Variants in PIK3CA observed in about 807,000 individuals in gnomAD.
PIK3CA encodes phosphatidylinositol 4,5-bisphosphate 3-kinase catalytic subunit alpha isoform.
Under a neutral mutation model 138.2 loss-of-function variants are expected in PIK3CA, and 27 were observed. The ratio of observed to expected loss-of-function variants is 0.20; its 90% CI spans 0.14 to 0.27. The LOEUF (loss-of-function observed/expected upper bound fraction) is 0.27, where lower values mean the gene tolerates loss of function less well. Ranked by LOEUF, PIK3CA falls within the 10% of genes least tolerant of loss-of-function variation. The pLI is 1.00. For missense variants in PIK3CA, 544 were observed against 1,277.4 expected, an observed-to-expected ratio of 0.43 and a Z score of 8.75; for synonymous variants, 358 against 413.2, an observed-to-expected ratio of 0.87 and a Z score of 1.62.
chr3:179,195,354 A>AATTTACAACATTAT (rs1216672507), intron 1 of PIK3CA, among the ~76,000 whole-genome samples: 1 of 151,996 alleles, frequency 6.6e-6, no homozygotes, highest in Non-Finnish European at 1.5e-5. Flanking sequence ...TGTTGGCAAT[A>AATTTACAACATTAT]CTTTACAAGT....
rs1725320925 is a variant in PIK3CA, at chr3:179,235,724, T to C, written c.*1360T>C. 4.8e-6 allele frequency: 1 copy of C among 206,770 alleles called. No homozygotes were observed. The highest frequency in any genetic ancestry group is 9.8e-6 in the Non-Finnish European group (1 of 101,626). The allele number at this position is 206,770 out of a possible 1,614,324, so 12.8% of individuals were successfully genotyped here. On this transcript the variant is annotated 3_prime_UTR_variant, in exon 21 of 21. Transcript: ENST00000263967. ...CCATGAACTTTTTACCTTTTTAAACTATTTATCCATATCTCCAAAGTAGAA... is the reference window on the plus strand; with the variant it reads ...CCATGAACTTTTTACCTTTTTAAACCATTTATCCATATCTCCAAAGTAGAA...
chr3:179,192,663 A>G (rs1049614348), intron 1 of PIK3CA, among the ~76,000 whole-genome samples: 2 of 152,240 alleles, frequency 1.3e-5, no homozygotes, highest in Admixed American at 6.5e-5. Flanking sequence ...TATGGTCTCT[A>G]TAGCATCTGC....
At position 179,235,594 on chromosome 3, in the gene PIK3CA, A is replaced by G; in HGVS notation, c.*1230A>G. The G allele has an allele frequency of 4.9e-6, 1 of 204,066 alleles. No homozygotes were observed. Among genetic ancestry groups the G allele is most frequent in the East Asian group, 7.5e-5 (1 of 13,320 alleles). 12.6% of individuals were successfully genotyped at this position (204,066 alleles called of 1,614,324 possible). Reference sequence around the variant, plus strand: ...ATTGAGAATGTCTCAATCATATGAAATTAGTTACCAGAATTAACACAATTT... The same window carrying G: ...ATTGAGAATGTCTCAATCATATGAAGTTAGTTACCAGAATTAACACAATTT... On this transcript the variant is annotated 3_prime_UTR_variant, in exon 21 of 21. Coordinates refer to ENST00000263967, the MANE Select transcript of PIK3CA (RefSeq NM_006218.4).
intron 1 of PIK3CA, among the ~76,000 whole-genome samples, chr3:179,188,104 C>T (rs544396444): frequency 3.9e-5 from 6 of 152,166 alleles, no homozygotes; most frequent in Admixed American, 2.0e-4. Flanking sequence ...TCAACTAAAA[C>T]GAAACTACTG....
intron 1 of PIK3CA, among the ~76,000 whole-genome samples, chr3:179,185,538 T>A (rs1175794424): frequency 6.6e-6 from 1 of 152,168 alleles, no homozygotes; most frequent in East Asian, 1.9e-4. Flanking sequence ...TGACACTATC[T>A]GCCTAGAGAT....
At chr3:179,193,132 G>A (rs1390993336) in intron 1 of PIK3CA, among the ~76,000 whole-genome samples, 3 of 152,188 alleles carry the variant, frequency 2.0e-5, no homozygotes, top group Admixed American at 2.0e-4. Flanking sequence ...ATACCAACAA[G>A]TTAACACAGG....
chr3:179,199,234 C>T (rs768357917), intron 2 of PIK3CA, 57 bp downstream of exon 2: 10 of 1,140,546 alleles, frequency 8.8e-6, no homozygotes, highest in South Asian at 1.6e-5. Context: ...AACTGTTGTC[C>T]CTTTCTAAAA....
chr3:179,222,106 C>T (rs1306831524), intron 14 of PIK3CA, among the ~76,000 whole-genome samples: 2 of 151,738 alleles, frequency 1.3e-5, no homozygotes, highest in Admixed American at 1.3e-4. Context: ...TAAAAGGAAG[C>T]TCATTCCTCA....
At chr3:179,177,502 G>A (rs978691324) in intron 1 of PIK3CA, among the ~76,000 whole-genome samples, 3 of 151,782 alleles carry the variant, frequency 2.0e-5, no homozygotes, top group African/African-American at 7.3e-5. Context: ...TAGTAGAGAT[G>A]GGGTTTCATC....
At chr3:179,179,586 G>A (rs952356333) in intron 1 of PIK3CA, among the ~76,000 whole-genome samples, 1 of 152,124 alleles carries the variant, frequency 6.6e-6, no homozygotes, top group African/African-American at 2.4e-5. Context: ...TGGTTACGTG[G>A]GTGTAAGAAG....
intron 1 of PIK3CA, among the ~76,000 whole-genome samples, chr3:179,175,710 AT>A (rs57751136): frequency 0.53 from 74,550 of 140,342 alleles, 19,999 homozygotes; most frequent in African/African-American, 0.71. Flanking sequence ...ACATTTGTTG[AT>A]TTTTTTTTTT....
chr3:179,221,385 G>A (rs374918373), intron 14 of PIK3CA, among the ~76,000 whole-genome samples: 1 of 152,084 alleles, frequency 6.6e-6, no homozygotes, highest in Non-Finnish European at 1.5e-5. Context: ...TAAGGCCATT[G>A]TGAGAATTAA....
In PIK3CA at chr3:179,235,418, G is replaced by T. The variant is rs1282428988; in HGVS notation, c.*1054G>T. On this transcript the variant is annotated 3_prime_UTR_variant, in exon 21 of 21. Transcript: ENST00000263967. ...ATTTTTTATTGTTCATAGCAGCATG[G>T]TCAGCTTTCTTCTTGATCTATAGAT... is the stretch of plus-strand genomic sequence containing the variant. 1.1e-5 allele frequency: 2 copies of T among 186,922 alleles called. No homozygotes were observed. Among genetic ancestry groups the T allele is most frequent in the Admixed American group, 6.2e-5 (1 of 16,074 alleles). The allele number at this position is 186,922 out of a possible 1,614,324, so 11.6% of individuals were successfully genotyped here.
At chr3:179,153,064 T>A (rs1213023017) in intron 1 of PIK3CA, among the ~76,000 whole-genome samples, 1 of 151,966 alleles carries the variant, frequency 6.6e-6, no homozygotes, top group Admixed American at 6.5e-5. Context: ...TTTGGTGAAG[T>A]CTCTGTTCAC....
At chr3:179,202,566 A>C (rs890444284) in intron 4 of PIK3CA, among the ~76,000 whole-genome samples, 1 of 152,234 alleles carries the variant, frequency 6.6e-6, no homozygotes, top group African/African-American at 2.4e-5. Flanking sequence ...TACATAACCA[A>C]GTAAAACCTG....
rs184640986 is a variant in PIK3CA, at chr3:179,196,674, A to G, written c.-76-2076A>G. On this transcript the variant is annotated intron_variant, in intron 1 of 20. Coordinates refer to ENST00000263967, the MANE Select transcript of PIK3CA (RefSeq NM_006218.4). ...CTACTCTTCACATCCTTTGTGTGTTATAACTCTGAAGCATACCATAATTAT... is the reference window on the plus strand; with the variant it reads ...CTACTCTTCACATCCTTTGTGTGTTGTAACTCTGAAGCATACCATAATTAT... Among the ~76,000 whole-genome samples the G allele has an allele frequency of 2.6e-3, 397 of 152,360 alleles. 3 individuals are homozygous for G. The highest frequency in any genetic ancestry group is 0.014 in the South Asian group (69 of 4,828).
intron 1 of PIK3CA, among the ~76,000 whole-genome samples, chr3:179,157,585 T>C (rs1205082361): frequency 6.6e-6 from 1 of 152,126 alleles, no homozygotes; most frequent in Non-Finnish European, 1.5e-5. Context: ...TTTTTGTTTG[T>C]TTGTTTGGTA....
intron 1 of PIK3CA, among the ~76,000 whole-genome samples, chr3:179,192,220 T>G (rs911589526): frequency 6.6e-6 from 1 of 152,210 alleles, no homozygotes; most frequent in African/African-American, 2.4e-5. Context: ...TAAACTATCT[T>G]GCCTGAATTA....
intron 6 of PIK3CA, among the ~76,000 whole-genome samples, chr3:179,205,568 A>G (rs1464858255): frequency 6.6e-6 from 1 of 152,186 alleles, no homozygotes; most frequent in African/African-American, 2.4e-5. Context: ...TCCCAAGAAT[A>G]GATATTTATG....
Sources: allele counts gnomAD v4.1 joint callset (sites outside exome capture counted in the v4.1 genomes callset), GRCh38; gene constraint gnomAD v4.1.1; transcripts MANE v1.5; gene names NCBI Gene and HGNC (gene_info 2026-07-23, HGNC 2026-07-21).